NWD2: variants seen among roughly 807,000 people sequenced by gnomAD.
The protein encoded by NWD2 is NACHT and WD repeat domain-containing protein 2.
A neutral mutation model predicts 132.7 loss-of-function variants in NWD2; 37 were observed. The ratio of observed to expected loss-of-function variants is 0.28; its 90% confidence interval spans 0.21 to 0.37. The LOEUF (loss-of-function observed/expected upper bound fraction) is 0.37. Among genes scored for constraint, NWD2 ranks in the 10% least tolerant of loss-of-function variants. The pLI is 1.00. For missense variants in NWD2, 1,592 were observed against 2,122.4 expected (o/e 0.75, Z 4.91); for synonymous variants, 705 against 803.0 (o/e 0.88, Z 2.06).
At position 37,447,938 on chromosome 4, in the gene NWD2, CA is replaced by C. The variant is rs1250295066; in HGVS notation, c.*725del. 3 of 152,102 alleles carry C rather than the reference CA, an allele frequency of 2.0e-5. No individual in the cohort carries two copies. The highest frequency in any genetic ancestry group is 4.4e-5 in the Non-Finnish European group (3 of 68,016). 9.4% of individuals were successfully genotyped at this position (152,102 alleles called of 1,614,324 possible). ...GATTTTTAAACTATTTCCTGGGTTG[CA>C]AAAGAACACATTTAGTAAGAAACAA... On this transcript the variant is annotated 3_prime_UTR_variant, in exon 7 of 7. Coordinates refer to ENST00000309447, the MANE Select transcript of NWD2 (RefSeq NM_001144990.2).
rs139446251 is a variant in NWD2, at chr4:37,292,878, G to A, written c.152-33058G>A. On this transcript the variant is annotated intron_variant, in intron 1 of 6. Transcript: ENST00000309447. ...TAATGCCACCACTGATTTGACAGGA[G>A]GTAGAGCTCAGGCTGTAATGCCTGC... Among the ~76,000 whole-genome samples the A allele has an allele frequency of 2.9e-3, 443 of 152,186 alleles. 1 individual carries two copies. The highest frequency in any genetic ancestry group is 5.0e-3 in the Non-Finnish European group (342 of 68,016).
intron 1 of NWD2, among the ~76,000 whole-genome samples, chr4:37,309,230 G>C (rs1718778277): frequency 1.3e-5 from 2 of 152,222 alleles, no homozygotes; most frequent in Admixed American, 6.5e-5. Flanking sequence ...AGGCAGGCCA[G>C]TCCTAGGGCC....
chr4:37,313,511 TTC>T (rs1560392223), intron 1 of NWD2, among the ~76,000 whole-genome samples: 19 of 148,450 alleles, frequency 1.3e-4, no homozygotes, highest in Non-Finnish European at 2.8e-4. Flanking sequence ...TAGTTGATTC[TTC>T]TGTCTTTTTT....
In NWD2 at chr4:37,350,291, C is replaced by T. The variant is rs567299836; in HGVS notation, c.241-6075C>T. 4.6e-5 allele frequency among the ~76,000 whole-genome samples: 7 copies of T among 152,256 alleles called. No individual in the cohort carries two copies. In the East Asian group the frequency reaches 1.2e-3, roughly 25 times the overall value. ...ACTTTGGACAGTATGGCTATTTTCACGATATTGATTCTTCCTATCCATGAG... is the reference window on the plus strand; with the variant it reads ...ACTTTGGACAGTATGGCTATTTTCATGATATTGATTCTTCCTATCCATGAG... On this transcript the variant is annotated intron_variant, in intron 2 of 6. Transcript: ENST00000309447.
intron 1 of NWD2, among the ~76,000 whole-genome samples, chr4:37,299,602 C>T (rs1232554030): frequency 2.6e-5 from 4 of 152,068 alleles, no homozygotes; most frequent in Admixed American, 6.6e-5. Flanking sequence ...AATGGGGACC[C>T]AGCAATCTTT....
chr4:37,443,163 T>C lies in NWD2; in HGVS notation c.1297-122T>C, dbSNP rs1712530215. ...CTCAGAGGGTTTTTCCAATTTTTGG[T>C]CCTAAGCTATTTCCTGCACAGCAGA... is the stretch of plus-strand genomic sequence containing the variant. On this transcript the variant is annotated intron_variant, in intron 6 of 6. Coordinates refer to ENST00000309447, the MANE Select transcript of NWD2 (RefSeq NM_001144990.2). This position sits in a 1 kb window ranked among gnomAD's most constrained non-coding sequence, Gnocchi z 4.1. 1.2e-6 allele frequency: 1 copy of C among 857,900 alleles called. No individual in the cohort carries two copies. The highest frequency in any genetic ancestry group is 2.0e-5 in the South Asian group (1 of 50,974). The allele number at this position is 857,900 out of a possible 1,614,324, so 53.1% of individuals were successfully genotyped here. A position where few individuals can be genotyped will look rare whatever the true frequency, so the allele number is the denominator to read the frequency against.
intron 3 of NWD2, among the ~76,000 whole-genome samples, chr4:37,361,306 G>A (rs1001032047): frequency 2.0e-5 from 3 of 152,048 alleles, no homozygotes; most frequent in Non-Finnish European, 4.4e-5. Context: ...GGAAGGGACT[G>A]CTCCCCAACT....
intron 1 of NWD2, among the ~76,000 whole-genome samples, chr4:37,260,398 C>A (rs915582340): frequency 6.6e-6 from 1 of 152,128 alleles, no homozygotes; most frequent in African/African-American, 2.4e-5. Flanking sequence ...CTGAAACTCC[C>A]CAACAGTGTT....
At chr4:37,426,885 C>T (rs1485592078) in intron 3 of NWD2, among the ~76,000 whole-genome samples, 1 of 152,084 alleles carries the variant, frequency 6.6e-6, no homozygotes, top group Non-Finnish European at 1.5e-5. Flanking sequence ...TAAGACCAGC[C>T]TTGTTTAGAG....
intron 5 of NWD2, among the ~76,000 whole-genome samples, chr4:37,438,469 A>T (rs1005712232): frequency 6.6e-6 from 1 of 152,086 alleles, no homozygotes; most frequent in African/African-American, 2.4e-5. Flanking sequence ...AGAACCTCTG[A>T]AGTCTGAGAG....
At chr4:37,342,006 C>A (rs1472946770) in intron 2 of NWD2, among the ~76,000 whole-genome samples, 1 of 152,122 alleles carries the variant, frequency 6.6e-6, no homozygotes, top group Non-Finnish European at 1.5e-5. Context: ...ACAGTGATTG[C>A]CAAAATCCCA....
intron 3 of NWD2, among the ~76,000 whole-genome samples, chr4:37,377,202 C>T (rs1193430748): frequency 6.6e-6 from 1 of 152,130 alleles, no homozygotes; most frequent in East Asian, 1.9e-4. Flanking sequence ...CTCCAATCAC[C>T]ATGTGATTTG....
intron 2 of NWD2, among the ~76,000 whole-genome samples, chr4:37,344,394 A>G (rs534863392): frequency 6.6e-6 from 1 of 152,204 alleles, no homozygotes; most frequent in African/African-American, 2.4e-5. Flanking sequence ...AGAACAATTT[A>G]AGGGAGAAAA....
At chr4:37,373,856 G>A (rs1185489400) in intron 3 of NWD2, among the ~76,000 whole-genome samples, 1 of 152,176 alleles carries the variant, frequency 6.6e-6, no homozygotes, top group Non-Finnish European at 1.5e-5. Flanking sequence ...ATAAAGAAAG[G>A]TGCACTAAGA....
intron 2 of NWD2, among the ~76,000 whole-genome samples, chr4:37,338,676 A>T (rs1719460169): frequency 6.6e-6 from 1 of 152,212 alleles, no homozygotes; most frequent in African/African-American, 2.4e-5. Flanking sequence ...GGCCTTACTA[A>T]TAATTTCTGA....
chr4:37,395,584 C>CAAAAAAAAAAAAA lies in NWD2; in HGVS notation c.358-34975_358-34963dup, dbSNP rs1156884728. Among the ~76,000 whole-genome samples, 122 of 18,280 alleles carry CAAAAAAAAAAAAA rather than the reference C, an allele frequency of 6.7e-3. 24 individuals carry two copies. The highest frequency in any genetic ancestry group is 0.033 in the East Asian group (13 of 400). 12.0% of individuals were successfully genotyped at this position (18,280 alleles called of 152,430 possible). A position where few individuals can be genotyped will look rare whatever the true frequency, so the allele number is the denominator to read the frequency against. The stretch of plus-strand genomic sequence containing the variant: ...GGGCAACAAGAGCGAAACTCTGTCT[C>CAAAAAAAAAAAAA]AAAAAAAAAAAAAAAAAAAAAAAAA... On this transcript the variant is annotated intron_variant, in intron 3 of 6. Transcript: ENST00000309447.
intron 1 of NWD2, among the ~76,000 whole-genome samples, chr4:37,257,320 A>G (rs1717541062): frequency 6.6e-6 from 1 of 152,242 alleles, no homozygotes; most frequent in Non-Finnish European, 1.5e-5. Flanking sequence ...CAATACATAA[A>G]TTAATAAAAG....
chr4:37,360,261 A>G (rs1341348981), intron 3 of NWD2, among the ~76,000 whole-genome samples: 2 of 152,168 alleles, frequency 1.3e-5, no homozygotes, highest in African/African-American at 4.8e-5. Context: ...TAGACCAAAT[A>G]ACTTAAAATG....
intron 2 of NWD2, among the ~76,000 whole-genome samples, chr4:37,344,333 G>T (rs28645101): frequency 0.17 from 25,075 of 151,944 alleles, 2,225 homozygotes; most frequent in South Asian, 0.23. Context: ...CTTCCCTGTT[G>T]CTTGATTTTT....
Sources: gnomAD v4.1 joint callset for allele counts (sites outside exome capture counted in the v4.1 genomes callset) on GRCh38, gnomAD v4.1.1 for gene constraint, Gnocchi (gnomAD v3.1) non-coding constraint, MANE v1.5 for transcripts, NCBI Gene and HGNC (gene_info 2026-07-23, HGNC 2026-07-21) for gene names.